The following ZNF552 variants were observed in gnomAD, a reference collection of about 807,000 sequenced individuals.
ZNF552 encodes the protein zinc finger protein 552.
ZNF552 carries 2 observed loss-of-function variants against 7.2 expected under a neutral mutation model. The ratio of observed to expected loss-of-function variants is 0.28; its 90% CI spans 0.11 to 0.88. ZNF552 has a LOEUF of 0.88. ZNF552 is among the 40% of genes least tolerant of loss of function. The pLI, the probability that ZNF552 is intolerant of heterozygous loss-of-function variation, is 0.60. For missense variants in ZNF552, 421 were observed against 493.4 expected, an observed-to-expected ratio of 0.85 and a Z score of 1.39; for synonymous variants, 173 against 176.5, an observed-to-expected ratio of 0.98 and a Z score of 0.16.
rs1377769969 is a variant in ZNF552, at chr19:57,808,573, C to T, written c.691G>A (p.Glu231Lys). 5.6e-6 allele frequency: 9 copies of T among 1,614,074 alleles called. No individual in the cohort carries two copies. Among genetic ancestry groups the T allele is most frequent in the African/African-American group, 1.3e-5 (1 of 74,938 alleles). Residue 231 changes from glutamate (E) to lysine (K), a missense_variant, in exon 3 of 3, where the codon GAG becomes AAG. By Grantham distance (56) the Glu-to-Lys change is moderately conservative. Transcript: ENST00000391701. ...FSTKDILSQHERLLPTEEPSV... is the reference protein window; with the variant it reads ...FSTKDILSQHKRLLPTEEPSV... ...GGTTCTTCTGTAGGGAGCAGTCTCT[C>T]GTGCTGACTGAGTATATCTTTGGTG...
rs146865299 is a variant in ZNF552, at chr19:57,812,430, AGAT to A, written c.160+861_160+863del. 2.0e-3 allele frequency among the ~76,000 whole-genome samples: 305 copies of A among 152,286 alleles called. 2 individuals are homozygous for A. Among genetic ancestry groups the A allele is most frequent in the African/African-American group, 7.2e-3 (300 of 41,568 alleles). On this transcript the variant is annotated intron_variant, in intron 2 of 2. Transcript: ENST00000391701. The stretch of plus-strand genomic sequence containing the variant: ...TTCATTTGCATCTTCTGACCACAGA[AGAT>A]GATCCCACCACCAAGATAACCAAGT...
chr19:57,809,290 G>C (rs1324226732), intron 2 of ZNF552, 187 bp from the exon 3 acceptor site: 22 of 1,412,144 alleles, frequency 1.6e-5, no homozygotes, highest in Non-Finnish European at 2.1e-5. Context: ...GAATGTAGGA[G>C]GCCTCATAAC....
At chr19:57,810,870 C>A (rs1987841812) in intron 2 of ZNF552, among the ~76,000 whole-genome samples, 1 of 152,226 alleles carries the variant, frequency 6.6e-6, no homozygotes, top group Non-Finnish European at 1.5e-5. Context: ...GAGAAAACCG[C>A]CTTAGGGCTG....
rs1568490347 is a variant in ZNF552, at chr19:57,808,977, C to T, written c.287G>A (p.Cys96Tyr). 3.1e-6 allele frequency: 5 copies of T among 1,587,446 alleles called. No individual in the cohort carries two copies. Among genetic ancestry groups the T allele is most frequent in the Non-Finnish European group, 4.3e-6 (5 of 1,165,250 alleles). Reference protein sequence around the residue: ...SPKKAHPCEMCGPILGDILHV... With the variant: ...SPKKAHPCEMYGPILGDILHV... Reference sequence around the variant, plus strand: ...CAAAATGTCTCCCAAGATCGGGCCACACATCTCACAGGGGTGGGCCTTCTT... The same window carrying T: ...CAAAATGTCTCCCAAGATCGGGCCATACATCTCACAGGGGTGGGCCTTCTT... The change falls in exon 3 of 3, where the codon TGT (cysteine) becomes TAT (tyrosine). Residue 96 changes from cysteine (C) to tyrosine (Y), a missense_variant. By Grantham distance (194) the Cys-to-Tyr change is radical. Transcript: ENST00000391701.
rs1987795911 is a variant in ZNF552, at chr19:57,808,785, C to T, written c.479G>A (p.Cys160Tyr). The T allele has an allele frequency of 1.2e-6, 2 of 1,614,204 alleles. No individual in the cohort carries two copies. Among genetic ancestry groups the T allele is most frequent in the Non-Finnish European group, 1.7e-6 (2 of 1,180,058 alleles). The change falls in exon 3 of 3, where the codon TGT becomes TAT. Residue 160 changes from cysteine (C) to tyrosine (Y), a missense_variant. This residue lies in a region of ZNF552 where 299 missense variants were observed against 293.7 expected (regional missense o/e 1.02). Transcript: ENST00000391701. Reference sequence around the variant, plus strand: ...TGACTCCCCTGACACATGCAACTTACACCTCTTCGCAAACAACGCCTCCTC... The same window carrying T: ...TGACTCCCCTGACACATGCAACTTATACCTCTTCGCAAACAACGCCTCCTC... The part of the protein sequence containing the change: ...SVEEALFAKR[C>Y]KLHVSGESSV...
Position 57,812,111 on chromosome 19 carries a change from G to A in ZNF552, c.160+1183C>T, listed in dbSNP as rs149645542. ...AGCTTCTCAGGAGGCTGAAGCAGGA[G>A]AAGTGCTTCAGCCCAGGAGGCAGAG... On this transcript the variant is annotated intron_variant, in intron 2 of 2. Transcript: ENST00000391701. 3.1e-3 allele frequency among the ~76,000 whole-genome samples: 472 copies of A among 150,970 alleles called. 3 individuals are homozygous for A. The highest frequency in any genetic ancestry group is 0.011 in the African/African-American group (449 of 41,068).
Position 57,808,199 on chromosome 19 carries a change from A to G in ZNF552, c.1065T>C (p.Ser355=). The change falls in exon 3 of 3, where the codon AGT becomes AGC. Residue 355 remains serine (S), a synonymous_variant. Transcript: ENST00000391701. ...TTTCGGCAAAAGATTTCCCACATTCACTGCACTCATAAGGCTTCTGACCAG... is the reference window on the plus strand; with the variant it reads ...TTTCGGCAAAAGATTTCCCACATTCGCTGCACTCATAAGGCTTCTGACCAG... ...VHTGQKPYEC[S]ECGKSFAESS... is the part of the protein sequence containing the mutation. The G allele has an allele frequency of 3.7e-6, 6 of 1,613,912 alleles. No homozygotes were observed. Among genetic ancestry groups the G allele is most frequent in the East Asian group, 2.2e-5 (1 of 44,854 alleles).
Position 57,814,783 on chromosome 19 carries a change from C to T in ZNF552, c.-40G>A. 1 of 1,604,966 alleles carries T rather than the reference C, an allele frequency of 6.2e-7. No individual in the cohort carries two copies. The highest frequency in any genetic ancestry group is 8.5e-7 in the Non-Finnish European group (1 of 1,174,884). On this transcript the variant is annotated 5_prime_UTR_variant, in exon 1 of 3. Transcript: ENST00000391701. Reference sequence around the variant, plus strand: ...TAAGCTGGGTTGAGAGCAGCGGGCGCCGTTAAAGAGCTGCAGAGTCACGTC... The same window carrying T: ...TAAGCTGGGTTGAGAGCAGCGGGCGTCGTTAAAGAGCTGCAGAGTCACGTC...
chr19:57,807,901 A>G lies in ZNF552; in HGVS notation c.*139T>C. On this transcript the variant is annotated 3_prime_UTR_variant, in exon 3 of 3. Coordinates refer to ENST00000391701, the MANE Select transcript of ZNF552 (RefSeq NM_024762.3). ...ACTGCCCAAATTTATTTTACTTGTA[A>G]GGACTCTTCTCTAGTGTGAACTCTC... 1 of 1,174,580 alleles carries G rather than the reference A, an allele frequency of 8.5e-7. No individual in the cohort carries two copies. The highest frequency in any genetic ancestry group is 1.7e-5 in the South Asian group (1 of 59,862). 72.8% of individuals were successfully genotyped at this position (1,174,580 alleles called of 1,614,324 possible).
At chr19:57,811,664 C>A (rs1987859061) in intron 2 of ZNF552, among the ~76,000 whole-genome samples, 1 of 130,340 alleles carries the variant, frequency 7.7e-6, no homozygotes, top group Non-Finnish European at 1.5e-5. Context: ...TGCGGTGAGC[C>A]AGATCGCACC....
intron 1 of ZNF552, among the ~76,000 whole-genome samples, chr19:57,814,196 G>C (rs1183769293): frequency 6.6e-6 from 1 of 152,110 alleles, no homozygotes. Flanking sequence ...TTGGACTATT[G>C]TCTAACCTGC....
Position 57,814,816 on chromosome 19 carries a change from A to C in ZNF552, c.-73T>G. The C allele has an allele frequency of 2.1e-6, 3 of 1,461,830 alleles. No individual in the cohort carries two copies. The highest frequency in any genetic ancestry group is 2.8e-6 in the Non-Finnish European group (3 of 1,061,856). The allele number at this position is 1,461,830 out of a possible 1,614,324, so 90.6% of individuals were successfully genotyped here. On this transcript the variant is annotated 5_prime_UTR_variant, in exon 1 of 3. Transcript: ENST00000391701. ...GAGCTGCAGAGTCACGTCTGTGCAA[A>C]GAGAAGAACGACTCTCGACCTCCTG...
intron 1 of ZNF552, among the ~76,000 whole-genome samples, chr19:57,814,222 G>C (rs1987914561): frequency 6.6e-6 from 1 of 152,170 alleles, no homozygotes; most frequent in South Asian, 2.1e-4. Context: ...TCAGCACAAA[G>C]TGTCATCTCT....
chr19:57,814,359 T>C lies in ZNF552; in HGVS notation c.33+352A>G, dbSNP rs1267446253. Reference sequence around the variant, plus strand: ...GACTTTGATCCAGTCCCTTCTTTCTTGGAAATTCTCCTATTTCTAGTGTCC... The same window carrying C: ...GACTTTGATCCAGTCCCTTCTTTCTCGGAAATTCTCCTATTTCTAGTGTCC... On this transcript the variant is annotated intron_variant, in intron 1 of 2. Coordinates refer to ENST00000391701, the MANE Select transcript of ZNF552 (RefSeq NM_024762.3). 1.3e-5 allele frequency: 9 copies of C among 713,164 alleles called. No homozygotes were observed. The Admixed American group carries it at 2.3e-4, about 18-fold the overall frequency. 44.2% of individuals were successfully genotyped at this position (713,164 alleles called of 1,614,324 possible). A position where few individuals can be genotyped will look rare whatever the true frequency, so the allele number is the denominator to read the frequency against.
At chr19:57,814,336 C>CT in intron 1 of ZNF552, 1 of 655,244 alleles carries the variant, frequency 1.5e-6, no homozygotes, top group African/African-American at 1.8e-5. Flanking sequence ...AAAGCCTGGA[C>CT]TTTGATCCAG....
intron 2 of ZNF552, among the ~76,000 whole-genome samples, chr19:57,811,770 C>G (rs1317773979): frequency 6.8e-6 from 1 of 147,596 alleles, no homozygotes; most frequent in South Asian, 2.1e-4. Context: ...GTGGATCATG[C>G]CTGTAATCCC....
rs762818150 is a variant in ZNF552, at chr19:57,808,404, T to A, written c.860A>T (p.Gln287Leu). The A allele has an allele frequency of 7.4e-6, 12 of 1,613,776 alleles. No individual in the cohort carries two copies. The highest frequency in any genetic ancestry group is 9.3e-6 in the Non-Finnish European group (11 of 1,179,810). Reference protein sequence around the residue: ...FNSKSHLLVHQRIHTGEKPYE... With the variant: ...FNSKSHLLVHLRIHTGEKPYE... ...TGGCTTCTCTCCAGTGTGAATTCTC[T>A]GGTGTACAAGGAGGTGGGACTTACT... The change falls in exon 3 of 3, where the codon CAG becomes CTG. Residue 287 changes from glutamine (Q) to leucine (L), a missense_variant. By Grantham distance (113) the Gln-to-Leu change is moderately radical. Coordinates refer to ENST00000391701, the MANE Select transcript of ZNF552 (RefSeq NM_024762.3).
rs1395397810 is a variant in ZNF552 at position 57,807,971 on chromosome 19, T to C, written c.*69A>G. The C allele has an allele frequency of 4.7e-6, 7 of 1,498,996 alleles. No individual in the cohort carries two copies. Among genetic ancestry groups the C allele is most frequent in the African/African-American group, 1.4e-5 (1 of 71,336 alleles). 92.9% of individuals were successfully genotyped at this position (1,498,996 alleles called of 1,614,324 possible). On this transcript the variant is annotated 3_prime_UTR_variant, in exon 3 of 3. Coordinates refer to ENST00000391701, the MANE Select transcript of ZNF552 (RefSeq NM_024762.3). ...ACCTTTGGGTAAACATTTTCCACAT[T>C]TGCTGCAATCACAGGATCTTACTCA...
chr19:57,812,360 G>T (rs1987873915), intron 2 of ZNF552, among the ~76,000 whole-genome samples: 1 of 151,956 alleles, frequency 6.6e-6, no homozygotes, highest in African/African-American at 2.4e-5. Flanking sequence ...ACTGTCCTAG[G>T]ATGCTATTTT....
Sources: allele counts gnomAD v4.1 joint callset (sites outside exome capture counted in the v4.1 genomes callset), GRCh38; gene constraint gnomAD v4.1.1; regional missense constraint gnomAD v4.1.1; transcripts MANE v1.5; gene names NCBI Gene and HGNC (gene_info 2026-07-23, HGNC 2026-07-21).